The following LRRC4C variants were observed in gnomAD, a reference collection of about 807,000 sequenced individuals.
The protein encoded by LRRC4C is leucine rich repeat containing 4C.
In LRRC4C, 5 loss-of-function variants were observed where a neutral mutation model predicts 33.6. The ratio of observed to expected loss-of-function variants is 0.15; its 90% confidence interval spans 0.08 to 0.31. The LOEUF is 0.31. Among genes scored for constraint, LRRC4C ranks in the 10% least tolerant of loss-of-function variants. The probability of loss-of-function intolerance (pLI) is 1.00; values close to 1 mark genes in which losing one functional copy is unlikely to be tolerated. For synonymous variants in LRRC4C, 329 were observed against 302.0 expected, an observed-to-expected ratio of 1.09 and a Z score of -0.93; for missense variants, 560 against 796.7, an observed-to-expected ratio of 0.70 and a Z score of 3.58.
chr11:41,436,889 G>T (rs963692014), intron 1 of LRRC4C, among the ~76,000 whole-genome samples: 1 of 152,130 alleles, frequency 6.6e-6, no homozygotes, highest in African/African-American at 2.4e-5. Flanking sequence ...GAAGGGGAAA[G>T]AAACAATCAC....
intron 3 of LRRC4C, among the ~76,000 whole-genome samples, chr11:40,424,326 A>G (rs1429265953): frequency 6.6e-6 from 1 of 152,086 alleles, no homozygotes; most frequent in Non-Finnish European, 1.5e-5. Flanking sequence ...ATTTTCATGT[A>G]TTTTTTCTCT....
At chr11:40,418,950 AC>A (rs958128417) in intron 3 of LRRC4C, among the ~76,000 whole-genome samples, 1 of 152,246 alleles carries the variant, frequency 6.6e-6, no homozygotes, top group East Asian at 1.9e-4. Context: ...AGGTAGGAGA[AC>A]AACACACATT....
intron 2 of LRRC4C, among the ~76,000 whole-genome samples, chr11:40,846,295 G>A (rs1021309520): frequency 6.6e-5 from 10 of 152,120 alleles, no homozygotes; most frequent in Admixed American, 5.9e-4. Context: ...TTTCTTGTAG[G>A]GTTTTTATGG....
At chr11:41,140,064 G>T (rs772183290) in intron 1 of LRRC4C, among the ~76,000 whole-genome samples, 41 of 152,254 alleles carry the variant, frequency 2.7e-4, no homozygotes, top group Non-Finnish European at 5.1e-4. Context: ...TTGAATGTTT[G>T]CACTGTGATG....
intron 4 of LRRC4C, among the ~76,000 whole-genome samples, chr11:40,300,193 G>A (rs1484671391): frequency 1.3e-5 from 2 of 152,128 alleles, no homozygotes; most frequent in African/African-American, 4.8e-5. Context: ...AAGGGGAGGT[G>A]CTAAACCATT....
chr11:40,919,600 T>G (rs1360797922), intron 2 of LRRC4C, among the ~76,000 whole-genome samples: 2 of 152,150 alleles, frequency 1.3e-5, no homozygotes, highest in Non-Finnish European at 2.9e-5. Context: ...ATTATCTTAC[T>G]GTCTGTCTCC....
At chr11:40,816,447 C>T (rs1951708707) in intron 2 of LRRC4C, among the ~76,000 whole-genome samples, 1 of 152,106 alleles carries the variant, frequency 6.6e-6, no homozygotes, top group African/African-American at 2.4e-5. Flanking sequence ...AACTACTCTG[C>T]CTGAAGTTTG....
chr11:40,259,572 T>G (rs1309910552), intron 4 of LRRC4C, among the ~76,000 whole-genome samples: 1 of 152,158 alleles, frequency 6.6e-6, no homozygotes, highest in African/African-American at 2.4e-5. Flanking sequence ...TTAATCCATC[T>G]TGAATTGATT....
rs142620688 is a variant in LRRC4C at position 40,114,613 on chromosome 11, G to A, written c.1680C>T (p.His560=). Residue 560 remains histidine (H), a synonymous_variant, in exon 7 of 7, where the codon CAC becomes CAT. Transcript: ENST00000528697. Reference sequence around the variant, plus strand: ...TAATTTCAACAGTCCTTGTTGGGGCGTGATGGTTTTGCCGATGGTGCTGCT... The same window carrying A: ...TAATTTCAACAGTCCTTGTTGGGGCATGATGGTTTTGCCGATGGTGCTGCT... ...MRKQHHRQNH[H]APTRTVEIIN... is the part of the protein sequence containing the mutation. 1.2e-3 allele frequency: 1,953 copies of A among 1,614,154 alleles called. 6 individuals are homozygous for A. Among genetic ancestry groups the A allele is most frequent in the Non-Finnish European group, 1.4e-3 (1,666 of 1,180,032 alleles).
intron 1 of LRRC4C, among the ~76,000 whole-genome samples, chr11:41,273,939 A>G (rs950472341): frequency 2.6e-5 from 4 of 152,198 alleles, no homozygotes; most frequent in Admixed American, 2.6e-4. Context: ...AAAGCAGTTA[A>G]GGAGAAACGG....
chr11:40,434,785 A>T (rs1951079893), intron 3 of LRRC4C, among the ~76,000 whole-genome samples: 1 of 152,214 alleles, frequency 6.6e-6, no homozygotes, highest in South Asian at 2.1e-4. Context: ...CTAAAGTATC[A>T]TATTTGATTT....
At chr11:41,011,943 GT>G (rs200197288) in intron 1 of LRRC4C, among the ~76,000 whole-genome samples, 20 of 143,492 alleles carry the variant, frequency 1.4e-4, no homozygotes, top group Middle Eastern at 3.6e-3. Context: ...TGCCTCCTGG[GT>G]TTTTTTTTTT....
chr11:41,193,588 C>A (rs922125586), intron 1 of LRRC4C, among the ~76,000 whole-genome samples: 1 of 152,086 alleles, frequency 6.6e-6, no homozygotes, highest in Non-Finnish European at 1.5e-5. Context: ...CCAATCAAGA[C>A]AATCATGAAA....
intron 1 of LRRC4C, among the ~76,000 whole-genome samples, chr11:41,341,779 C>T (rs986407680): frequency 2.6e-5 from 4 of 152,316 alleles, no homozygotes; most frequent in African/African-American, 9.6e-5. Flanking sequence ...TTCAGGTAAA[C>T]CATGCCCGAA....
At chr11:41,330,528 C>T (rs765992299) in intron 1 of LRRC4C, among the ~76,000 whole-genome samples, 1 of 152,084 alleles carries the variant, frequency 6.6e-6, no homozygotes, top group Non-Finnish European at 1.5e-5. Context: ...ACCTCCTTCA[C>T]CCCTTCATAT....
intron 2 of LRRC4C, among the ~76,000 whole-genome samples, chr11:40,848,487 C>T (rs549577135): frequency 5.9e-5 from 9 of 152,046 alleles, no homozygotes; most frequent in African/African-American, 2.2e-4. Context: ...GTTCTAATTT[C>T]ATTGCACTGA....
rs561922343 is a variant in LRRC4C at position 40,999,329 on chromosome 11, A to C, written c.-495-65606T>G. On this transcript the variant is annotated intron_variant, in intron 1 of 6. Coordinates refer to ENST00000528697, the MANE Select transcript of LRRC4C (RefSeq NM_001258419.2). ...CTTAAATTGAGATGGAAACTTTGAC[A>C]AAGGTATCCACATTTTAAAAAAATT... 1.2e-4 allele frequency among the ~76,000 whole-genome samples: 18 copies of C among 152,288 alleles called. No individual in the cohort carries two copies. In the South Asian group the frequency reaches 3.5e-3, roughly 30 times the overall value.
chr11:41,084,864 A>C (rs1188561804), intron 1 of LRRC4C, among the ~76,000 whole-genome samples: 1 of 152,152 alleles, frequency 6.6e-6, no homozygotes, highest in Non-Finnish European at 1.5e-5. Context: ...AACAAAAAAC[A>C]AACAAACCAA....
At chr11:40,155,875 A>C (rs1858646167) in intron 5 of LRRC4C, among the ~76,000 whole-genome samples, 1 of 152,134 alleles carries the variant, frequency 6.6e-6, no homozygotes, top group Admixed American at 6.6e-5. Context: ...CCCTAATACC[A>C]AAACCAGGAA....
Sources: allele counts gnomAD v4.1 joint callset (sites outside exome capture counted in the v4.1 genomes callset), GRCh38; gene constraint gnomAD v4.1.1; transcripts MANE v1.5; gene names NCBI Gene and HGNC (gene_info 2026-07-23, HGNC 2026-07-21).